Variants in ARHGEF3 observed in about 807,000 individuals in gnomAD.
ARHGEF3 encodes 59.8 kDA protein.
ARHGEF3 carries 28 observed loss-of-function variants against 63.2 expected under a neutral mutation model. The ratio of observed to expected loss-of-function variants is 0.44; its 90% CI spans 0.33 to 0.61. ARHGEF3 has a LOEUF of 0.61. Among genes scored for constraint, ARHGEF3 ranks in the 20% least tolerant of loss-of-function variants. The pLI, the probability that ARHGEF3 is intolerant of heterozygous loss-of-function variation, is 0.03. For missense variants in ARHGEF3, 533 were observed against 659.3 expected, an observed-to-expected ratio of 0.81 and a Z score of 2.10; for synonymous variants, 266 against 254.2, an observed-to-expected ratio of 1.05 and a Z score of -0.44.
chr3:57,000,984 G>A (rs1332753996), intron 2 of ARHGEF3, among the ~76,000 whole-genome samples: 5 of 151,902 alleles, frequency 3.3e-5, no homozygotes, highest in African/African-American at 9.7e-5. Flanking sequence ...TTGTTGCCCA[G>A]GCTAGAGTGC....
Position 56,732,320 on chromosome 3 carries a change from T to G in ARHGEF3, c.1146A>C (p.Lys382Asn). Reference protein sequence around the residue: ...YQLYRQPIPVKDLLLEDLQDG... With the variant: ...YQLYRQPIPVNDLLLEDLQDG... ...CCTGGAGGTCTTCCAGCAGGAGGTC[T>G]TTCACGGGGATTGGCTGACGGTACA... Residue 382 changes from lysine to asparagine, a missense_variant, in exon 9 of 10, where the codon AAA (lysine) becomes AAC (asparagine). Lys to Asn is a moderately conservative substitution (Grantham distance 94). Transcript: ENST00000296315. 6.2e-7 allele frequency: 1 copy of G among 1,614,206 alleles called. No homozygotes were observed. Among genetic ancestry groups the G allele is most frequent in the Admixed American group, 1.7e-5 (1 of 60,020 alleles).
exon 4 of ARHGEF3, chr3:56,882,298 G>A (rs2040792861): frequency 1.9e-6 from 3 of 1,551,788 alleles, no homozygotes; most frequent in East Asian, 4.9e-5. Context: ...TTACACTTAT[G>A]TCGAGACTGC....
intron 3 of ARHGEF3, among the ~76,000 whole-genome samples, chr3:56,949,505 A>C (rs1000621233): frequency 2.6e-5 from 4 of 152,008 alleles, no homozygotes; most frequent in Non-Finnish European, 5.9e-5. Flanking sequence ...CAGAGAGCCA[A>C]ATCATGAGTG....
intron 1 of ARHGEF3, among the ~76,000 whole-genome samples, chr3:57,077,092 C>A (rs957549665): frequency 2.0e-5 from 3 of 152,124 alleles, no homozygotes; most frequent in Non-Finnish European, 2.9e-5. Context: ...GAGGGAACAG[C>A]GTGTGCAAAG....
chr3:56,964,082 T>C (rs1700389310), intron 2 of ARHGEF3, among the ~76,000 whole-genome samples: 1 of 152,208 alleles, frequency 6.6e-6, no homozygotes. Flanking sequence ...CTGCATGCGG[T>C]GGCTCACGCC....
chr3:56,960,716 C>T (rs1224708777), intron 2 of ARHGEF3: 1 of 152,120 alleles, frequency 6.6e-6, no homozygotes, highest in Non-Finnish European at 1.5e-5. Context: ...TTCACCCACA[C>T]GTAAGCAATA....
chr3:56,952,163 C>T (rs1429729782), intron 3 of ARHGEF3, among the ~76,000 whole-genome samples: 1 of 151,972 alleles, frequency 6.6e-6, no homozygotes, highest in Non-Finnish European at 1.5e-5. Context: ...CTGATGAGCC[C>T]TTAAAAGGAA....
At chr3:56,732,798 G>A (rs957214299) in intron 8 of ARHGEF3, among the ~76,000 whole-genome samples, 1 of 152,030 alleles carries the variant, frequency 6.6e-6, no homozygotes, top group Non-Finnish European at 1.5e-5. Context: ...AGAAGGTGAT[G>A]AAGGGAAAAA....
rs934936215 is a variant in ARHGEF3 at position 57,010,381 on chromosome 3, A to G, written c.62+24707T>C. Among the ~76,000 whole-genome samples the G allele has an allele frequency of 1.0e-3, 155 of 149,204 alleles. 1 individual carries two copies. Among genetic ancestry groups the G allele is most frequent in the African/African-American group, 3.5e-3 (141 of 40,546 alleles). On this transcript the variant is annotated intron_variant, in intron 2 of 12. Transcript: ENST00000338458. ...TGAGGCAGGAGAATGGCGTGAACCC[A>G]GGAGGCAGAGCTTGCAGTGAGCCGA...
At chr3:56,923,022 CTAAATATATATATATATATATATA>C (rs1458329983) in intron 3 of ARHGEF3, among the ~76,000 whole-genome samples, 1 of 109,852 alleles carries the variant, frequency 9.1e-6, no homozygotes, top group Non-Finnish European at 1.8e-5. Flanking sequence ...CCCATCTCTA[CTAAATATATATATATATATATATA>C]TATATATATA....
intron 3 of ARHGEF3, among the ~76,000 whole-genome samples, chr3:56,919,891 A>C (rs1391875308): frequency 6.6e-6 from 1 of 152,222 alleles, no homozygotes; most frequent in African/African-American, 2.4e-5. Context: ...AGTGGGGCCT[A>C]GCAAGCTTAC....
intron 2 of ARHGEF3, among the ~76,000 whole-genome samples, chr3:56,974,749 T>A (rs1261480068): frequency 6.6e-6 from 1 of 152,030 alleles, no homozygotes; most frequent in East Asian, 1.9e-4. Context: ...ATCCACATCC[T>A]GCACCTCCAG....
At chr3:56,737,422 G>A (rs1487092503) in intron 7 of ARHGEF3, 67 bp from the exon 8 acceptor site, 1 of 1,391,140 alleles carries the variant, frequency 7.2e-7, no homozygotes, top group Non-Finnish European at 9.9e-7. Context: ...AAGTCTTAGG[G>A]GCTCAGCCTA....
At chr3:56,883,748 G>A (rs1431512433) in intron 3 of ARHGEF3, among the ~76,000 whole-genome samples, 2 of 152,100 alleles carry the variant, frequency 1.3e-5, no homozygotes, top group Non-Finnish European at 2.9e-5. Context: ...GTCTTCTGAT[G>A]TTACTTAGAA....
chr3:57,060,358 G>C (rs1443412212), intron 1 of ARHGEF3: 1 of 151,568 alleles, frequency 6.6e-6, no homozygotes, highest in Non-Finnish European at 1.5e-5. Context: ...GCACTTAAAT[G>C]GTATAGCTGC....
At chr3:57,051,325 TA>T (rs1345722718) in intron 1 of ARHGEF3, among the ~76,000 whole-genome samples, 1 of 151,918 alleles carries the variant, frequency 6.6e-6, no homozygotes, top group East Asian at 1.9e-4. Context: ...CCATCTCTAC[TA>T]AAAATACAAA....
chr3:56,831,460 T>C (rs550065937), intron 4 of ARHGEF3, among the ~76,000 whole-genome samples: 18 of 152,372 alleles, frequency 1.2e-4, no homozygotes, highest in African/African-American at 4.1e-4. Context: ...AAAATTCTAA[T>C]TGTTTTAGGT....
intron 4 of ARHGEF3, among the ~76,000 whole-genome samples, chr3:56,846,014 C>T (rs567947342): frequency 3.2e-4 from 48 of 152,312 alleles, no homozygotes; most frequent in African/African-American, 1.1e-3. Context: ...CTCGCTCTCT[C>T]GCTGCTTTAA....
intron 4 of ARHGEF3, among the ~76,000 whole-genome samples, chr3:56,876,238 AAG>A (rs1365679875): frequency 6.6e-6 from 1 of 152,178 alleles, no homozygotes; most frequent in East Asian, 1.9e-4. Flanking sequence ...CAGACGGTGC[AAG>A]GCTTTGGAAG....
Sources: allele counts gnomAD v4.1 joint callset (sites outside exome capture counted in the v4.1 genomes callset), GRCh38; gene constraint gnomAD v4.1.1; transcripts MANE v1.5; gene names NCBI Gene and HGNC (gene_info 2026-07-23, HGNC 2026-07-21).